SNTG1: variants seen among roughly 807,000 people sequenced by gnomAD.
SNTG1 encodes the protein gamma-1-syntrophin.
A neutral mutation model predicts 74.7 loss-of-function variants in SNTG1; 39 were observed. The observed-to-expected ratio is 0.52, with a 90% CI of 0.40 to 0.68. The LOEUF (loss-of-function observed/expected upper bound fraction) is 0.68, where lower values mean the gene tolerates loss of function less well. Ranked by LOEUF, SNTG1 falls within the 30% of genes least tolerant of loss-of-function variation. SNTG1 has a pLI of 0.00. For missense variants in SNTG1, 685 were observed against 609.5 expected (o/e 1.12, Z -1.30); for synonymous variants, 254 against 217.1 (o/e 1.17, Z -1.49).
rs189867270 is a variant in SNTG1 at position 50,675,546 on chromosome 8, T to C, written c.1038+16883T>C. The stretch of plus-strand genomic sequence containing the variant: ...TCCATCCCTTTATTCTGAGCCTATG[T>C]GTGTCTTTGCACATGAGATGGTTCT... On this transcript the variant is annotated intron_variant, in intron 15 of 18. Coordinates refer to ENST00000642720, the MANE Select transcript of SNTG1 (RefSeq NM_018967.5). Among the ~76,000 whole-genome samples, 46 of 152,250 alleles carry C rather than the reference T, an allele frequency of 3.0e-4. No homozygotes were observed. In the East Asian group the frequency reaches 7.7e-3, roughly 26 times the overall value.
At chr8:50,438,960 A>C (rs921073616) in intron 5 of SNTG1, among the ~76,000 whole-genome samples, 3 of 152,170 alleles carry the variant, frequency 2.0e-5, no homozygotes, top group African/African-American at 7.2e-5. Context: ...TTTCACACTA[A>C]TAAAGCCCAA....
intron 4 of SNTG1, among the ~76,000 whole-genome samples, chr8:50,426,845 AG>A (rs150877531): frequency 0.028 from 4,226 of 152,232 alleles, 186 homozygotes; most frequent in African/African-American, 0.095. Flanking sequence ...AAATTTAAAA[AG>A]CAATAACGTA....
intron 13 of SNTG1, among the ~76,000 whole-genome samples, chr8:50,606,145 C>A (rs1020252416): frequency 3.3e-5 from 5 of 152,078 alleles, no homozygotes; most frequent in Admixed American, 2.6e-4. Context: ...ACTCTGGAAT[C>A]TTGCTCTTTC....
At chr8:50,776,403 TATATA>T (rs1440439084) in intron 18 of SNTG1, among the ~76,000 whole-genome samples, 19 of 147,340 alleles carry the variant, frequency 1.3e-4, no homozygotes, top group East Asian at 3.9e-4. Flanking sequence ...CATTTTATAA[TATATA>T]ATATATTATA....
Position 50,088,771 on chromosome 8 carries a change from G to A in SNTG1, c.-102-83790G>A, listed in dbSNP as rs1185596599. Among the ~76,000 whole-genome samples, 99 of 148,746 alleles carry A rather than the reference G, an allele frequency of 6.7e-4. 1 individual carries two copies. Among genetic ancestry groups the A allele is most frequent in the Admixed American group, 5.4e-4 (8 of 14,698 alleles). On this transcript the variant is annotated intron_variant, in intron 1 of 18. Transcript: ENST00000642720. Reference sequence around the variant, plus strand: ...AAATAACAGAGGATACAAACAAATGGAAGAACATTCCATGCTCATGGGTAG... The same window carrying A: ...AAATAACAGAGGATACAAACAAATGAAAGAACATTCCATGCTCATGGGTAG...
chr8:50,221,633 T>C (rs1465757299), intron 2 of SNTG1, among the ~76,000 whole-genome samples: 1 of 152,168 alleles, frequency 6.6e-6, no homozygotes, highest in African/African-American at 2.4e-5. Flanking sequence ...AAGATTGCAG[T>C]ATATCCGTGT....
chr8:50,620,489 A>G (rs929905641), intron 13 of SNTG1, among the ~76,000 whole-genome samples: 3 of 152,178 alleles, frequency 2.0e-5, no homozygotes, highest in African/African-American at 7.2e-5. Context: ...GGAGACAGGC[A>G]TGTGTCAGGC....
At chr8:50,692,208 C>T (rs1023344820) in intron 15 of SNTG1, among the ~76,000 whole-genome samples, 1 of 152,120 alleles carries the variant, frequency 6.6e-6, no homozygotes, top group African/African-American at 2.4e-5. Flanking sequence ...CCTCCTGTAG[C>T]TCGGAGTAGT....
At chr8:50,305,622 A>T (rs1316329897) in intron 2 of SNTG1, among the ~76,000 whole-genome samples, 1 of 149,318 alleles carries the variant, frequency 6.7e-6, no homozygotes, top group Non-Finnish European at 1.5e-5. Context: ...TATTTTTTCC[A>T]ATGTGGAATT....
chr8:50,719,773 C>T (rs919046724), intron 17 of SNTG1, among the ~76,000 whole-genome samples: 2 of 152,082 alleles, frequency 1.3e-5, no homozygotes, highest in Non-Finnish European at 1.5e-5. Context: ...TATTGTAATA[C>T]ATCAACTTAC....
intron 1 of SNTG1, among the ~76,000 whole-genome samples, chr8:49,961,773 T>C (rs1295404792): frequency 6.6e-6 from 1 of 152,140 alleles, no homozygotes; most frequent in Non-Finnish European, 1.5e-5. Flanking sequence ...ATGGCTCACA[T>C]TTACCTCGTA....
At chr8:50,545,961 T>C (rs889966129) in intron 11 of SNTG1, among the ~76,000 whole-genome samples, 1 of 152,130 alleles carries the variant, frequency 6.6e-6, no homozygotes, top group African/African-American at 2.4e-5. Flanking sequence ...TTCATGGTTG[T>C]TCATTGAAGG....
chr8:50,304,997 G>C (rs2089822333), intron 2 of SNTG1, among the ~76,000 whole-genome samples: 2 of 152,068 alleles, frequency 1.3e-5, no homozygotes, highest in African/African-American at 2.4e-5. Flanking sequence ...CCACCTCCCA[G>C]GTTCAAGCGA....
chr8:50,445,307 C>A (rs1311623779), intron 5 of SNTG1, among the ~76,000 whole-genome samples: 1 of 152,136 alleles, frequency 6.6e-6, no homozygotes, highest in African/African-American at 2.4e-5. Flanking sequence ...ATTCTGTTTA[C>A]AAGTAGTTTC....
chr8:50,382,824 G>A (rs2092511456), intron 2 of SNTG1, among the ~76,000 whole-genome samples: 1 of 152,070 alleles, frequency 6.6e-6, no homozygotes, highest in Non-Finnish European at 1.5e-5. Flanking sequence ...TAAAGAAATT[G>A]GCTCATGCAA....
At chr8:50,511,654 C>T (rs2094076951) in intron 9 of SNTG1, among the ~76,000 whole-genome samples, 1 of 152,136 alleles carries the variant, frequency 6.6e-6, no homozygotes. Flanking sequence ...GAATTGATCC[C>T]TTTACCATTA....
chr8:50,040,127 C>A (rs562585549), intron 1 of SNTG1, among the ~76,000 whole-genome samples: 1 of 152,202 alleles, frequency 6.6e-6, no homozygotes, highest in Non-Finnish European at 1.5e-5. Context: ...GTTTAGAACA[C>A]CACTGACTAA....
At chr8:50,365,315 A>G (rs1027459011) in intron 2 of SNTG1, among the ~76,000 whole-genome samples, 1 of 152,122 alleles carries the variant, frequency 6.6e-6, no homozygotes, top group African/African-American at 2.4e-5. Flanking sequence ...ACTGAAATAG[A>G]CCTCTAAGGC....
intron 8 of SNTG1, among the ~76,000 whole-genome samples, chr8:50,501,425 GTTTT>G (rs59123896): frequency 0.012 from 690 of 56,774 alleles, 3 homozygotes; most frequent in Middle Eastern, 0.036. Context: ...GAGCCTGTGC[GTTTT>G]TTTTTTTTTT....
Sources: allele counts gnomAD v4.1 joint callset (sites outside exome capture counted in the v4.1 genomes callset), GRCh38; gene constraint gnomAD v4.1.1; transcripts MANE v1.5; gene names NCBI Gene and HGNC (gene_info 2026-07-23, HGNC 2026-07-21).